Variants in CCDC171 observed in about 807,000 individuals in gnomAD.
CCDC171 encodes the protein coiled-coil domain-containing protein 171.
Under a neutral mutation model 168.2 loss-of-function variants are expected in CCDC171, and 177 were observed. That is an observed-to-expected ratio of 1.05 (90% CI 0.93 to 1.19). The LOEUF (loss-of-function observed/expected upper bound fraction) is 1.19. Among genes scored for constraint, CCDC171 ranks in the 50% most tolerant of loss-of-function variants. The pLI, the probability that CCDC171 is intolerant of heterozygous loss-of-function variation, is 0.00. For synonymous variants in CCDC171, 687 were observed against 540.8 expected, an observed-to-expected ratio of 1.27 and a Z score of -3.75; for missense variants, 1,991 against 1,539.0, an observed-to-expected ratio of 1.29 and a Z score of -4.91.
intron 6 of CCDC171, among the ~76,000 whole-genome samples, chr9:15,617,179 A>G (rs1056187320): frequency 3.3e-5 from 5 of 152,158 alleles, no homozygotes; most frequent in Admixed American, 6.5e-5. Flanking sequence ...TCTGAAGCCT[A>G]CTTCTGCCAA....
chr9:16,002,589 G>T (rs1473247978), intron 3 of CCDC171, among the ~76,000 whole-genome samples: 5 of 152,104 alleles, frequency 3.3e-5, no homozygotes, highest in Non-Finnish European at 7.3e-5. Flanking sequence ...GTAAGCTAAG[G>T]TTAATTTATT....
At chr9:15,725,033 T>C (rs2053709581) in intron 14 of CCDC171, 57 bp downstream of exon 14, 2 of 1,239,014 alleles carry the variant, frequency 1.6e-6, no homozygotes, top group South Asian at 2.5e-5. Context: ...CTCAGTGTTA[T>C]ACATCAAGTG....
intron 6 of CCDC171, among the ~76,000 whole-genome samples, chr9:15,605,622 G>A (rs1161527686): frequency 1.3e-5 from 2 of 150,894 alleles, no homozygotes; most frequent in Non-Finnish European, 2.9e-5. Flanking sequence ...AGGAGGTGGA[G>A]GTTGCAGTGA....
At chr9:15,887,650 T>A (rs1312135147) in intron 24 of CCDC171, 1 of 152,128 alleles carries the variant, frequency 6.6e-6, no homozygotes, top group East Asian at 1.9e-4. Context: ...ATCAACTCTT[T>A]ATCTGAAATA....
rs1554762170 is a variant in CCDC171, at chr9:15,691,544, T to TATATATATA, written c.1216-3691_1216-3690insATATATATA. On this transcript the variant is annotated intron_variant, in intron 10 of 25. Coordinates refer to ENST00000380701, the MANE Select transcript of CCDC171 (RefSeq NM_173550.4). ...TTAAAAATACCTGTAAATATATGTT[T>TATATATATA]TTTATATATATATATATATATATAT... 2.8e-3 allele frequency among the ~76,000 whole-genome samples: 245 copies of TATATATATA among 87,708 alleles called. 3 individuals are homozygous for TATATATATA. The highest frequency in any genetic ancestry group is 0.012 in the African/African-American group (231 of 18,598). The allele number at this position is 87,708 out of a possible 152,430, so 57.5% of individuals were successfully genotyped here.
In CCDC171 at chr9:15,973,865, C is replaced by T. The variant is rs1831541980; in HGVS notation, c.*2029C>T. ...AGGTTACTATATGTAACCTCTATGT[C>T]TAAGTGTTTGTGTGTGTGTATGCTT... On this transcript the variant is annotated 3_prime_UTR_variant, in exon 26 of 26. Transcript: ENST00000380701. 6.6e-6 allele frequency: 1 copy of T among 152,076 alleles called. No individual in the cohort carries two copies. Among genetic ancestry groups the T allele is most frequent in the Non-Finnish European group, 1.5e-5 (1 of 68,006 alleles). The allele number at this position is 152,076 out of a possible 1,614,324, so 9.4% of individuals were successfully genotyped here.
chr9:15,797,670 A>T (rs535791022), intron 21 of CCDC171, among the ~76,000 whole-genome samples: 1 of 152,260 alleles, frequency 6.6e-6, no homozygotes, highest in Admixed American at 6.5e-5. Context: ...TCTTTCAAAT[A>T]AAAATTTTAC....
chr9:16,067,611 C>A, the CCDC171 span, among the ~76,000 whole-genome samples: 1 of 152,194 alleles, frequency 6.6e-6, no homozygotes, highest in Non-Finnish European at 1.5e-5. Flanking sequence ...ACGTTTAAGT[C>A]TTTAATCCAT....
intron 7 of CCDC171, among the ~76,000 whole-genome samples, chr9:15,624,612 T>C (rs908803220): frequency 1.3e-5 from 2 of 152,180 alleles, no homozygotes; most frequent in African/African-American, 4.8e-5. Flanking sequence ...GGTTTCCAGC[T>C]TCATCCATGT....
chr9:15,992,598 G>A (rs1172328299), intron 3 of CCDC171, among the ~76,000 whole-genome samples: 2 of 152,152 alleles, frequency 1.3e-5, no homozygotes, highest in African/African-American at 4.8e-5. Context: ...GGCCAGGGCA[G>A]TCAGGCAGGA....
At chr9:15,952,363 A>T (rs562059410) in intron 25 of CCDC171, among the ~76,000 whole-genome samples, 15 of 152,184 alleles carry the variant, frequency 9.9e-5, no homozygotes, top group Non-Finnish European at 2.1e-4. Flanking sequence ...GGGTATTTCC[A>T]GTCCCTTGAG....
At chr9:15,685,415 C>T (rs1587951119) in intron 10 of CCDC171, among the ~76,000 whole-genome samples, 1 of 151,978 alleles carries the variant, frequency 6.6e-6, no homozygotes, top group East Asian at 1.9e-4. Context: ...CCATTGAGCC[C>T]AGGAGTTTGA....
At chr9:15,833,272 A>C (rs1303151531) in intron 21 of CCDC171, among the ~76,000 whole-genome samples, 2 of 152,126 alleles carry the variant, frequency 1.3e-5, no homozygotes, top group African/African-American at 2.4e-5. Context: ...GATTACAGGC[A>C]TGAACCACCA....
chr9:15,745,442 C>T (rs1224142067), intron 17 of CCDC171, 73 bp from the exon 18 acceptor site: 15 of 895,856 alleles, frequency 1.7e-5, no homozygotes, highest in Non-Finnish European at 2.2e-5. Flanking sequence ...TAGCTGAACA[C>T]TGCTACGAAT....
chr9:15,742,784 T>G (rs1053941083), intron 16 of CCDC171, among the ~76,000 whole-genome samples: 4 of 152,166 alleles, frequency 2.6e-5, no homozygotes, highest in Non-Finnish European at 5.9e-5. Context: ...TACATGTGAT[T>G]TAGTAACTAA....
rs1210234082 is a variant in CCDC171, at chr9:15,809,429, C to G, written c.3267+24735C>G. ...GGTCTCACTGACTTCAAGAATGAAG[C>G]TACAGACTCTCGTGGTGAGTGTTAC... is the stretch of plus-strand genomic sequence containing the variant. On this transcript the variant is annotated intron_variant, in intron 21 of 25. Transcript: ENST00000380701. Among the ~76,000 whole-genome samples, 4 of 152,312 alleles carry G rather than the reference C, an allele frequency of 2.6e-5. No homozygotes were observed. The East Asian group carries it at 7.7e-4, about 29-fold the overall frequency.
At chr9:15,725,029 G>A in intron 14 of CCDC171, 53 bp downstream of exon 14, 1 of 1,269,048 alleles carries the variant, frequency 7.9e-7, no homozygotes, top group Admixed American at 1.8e-5. Flanking sequence ...TAATCTCAGT[G>A]TTATACATCA....
At chr9:15,729,086 C>T (rs77432394) in intron 15 of CCDC171, among the ~76,000 whole-genome samples, 1 of 152,014 alleles carries the variant, frequency 6.6e-6, no homozygotes, top group Non-Finnish European at 1.5e-5. Context: ...TGTGTTTTAA[C>T]CCTATGAGAT....
chr9:15,879,034 G>T (rs1818242465), intron 24 of CCDC171, among the ~76,000 whole-genome samples: 2 of 152,144 alleles, frequency 1.3e-5, no homozygotes, highest in South Asian at 2.1e-4. Flanking sequence ...TAGTACCTGG[G>T]TGACAAAGTA....
Sources: gnomAD v4.1 joint callset for allele counts (sites outside exome capture counted in the v4.1 genomes callset) on GRCh38, gnomAD v4.1.1 for gene constraint, MANE v1.5 for transcripts, NCBI Gene and HGNC (gene_info 2026-07-23, HGNC 2026-07-21) for gene names.